The following SENP5 variants were observed in gnomAD, a reference collection of about 807,000 sequenced individuals.
SENP5 encodes sentrin-specific protease 5.
Under a neutral mutation model 74.2 loss-of-function variants are expected in SENP5, and 21 were observed. That is an observed-to-expected ratio of 0.28 (90% CI 0.20 to 0.41). SENP5 has a LOEUF of 0.41. SENP5 is among the 10% of genes least tolerant of loss of function. The pLI, the probability that SENP5 is intolerant of heterozygous loss-of-function variation, is 1.00. For missense variants in SENP5, 717 were observed against 889.1 expected (o/e 0.81, Z 2.46); for synonymous variants, 311 against 312.7 (o/e 0.99, Z 0.06).
At chr3:196,876,517 CAAAA>C (rs11294142) in intron 1 of SENP5, among the ~76,000 whole-genome samples, 8 of 95,400 alleles carry the variant, frequency 8.4e-5, no homozygotes, top group South Asian at 3.3e-4. Flanking sequence ...GATTCTGTCT[CAAAA>C]AAAAAAAAAA....
chr3:196,918,092 G>A lies in SENP5; in HGVS notation c.1885-5322G>A, dbSNP rs532073391. Among the ~76,000 whole-genome samples the A allele has an allele frequency of 8.7e-4, 132 of 151,360 alleles. 1 individual carries two copies. The highest frequency in any genetic ancestry group is 1.3e-3 in the Non-Finnish European group (88 of 67,950). On this transcript the variant is annotated intron_variant, in intron 6 of 9. Transcript: ENST00000323460. ...TGGGAGGCTGAGGCAGGTGGATCAC[G>A]AGGTCAGATCGAGACCATCCTGGCT...
rs1285420226 is a variant in SENP5, at chr3:196,900,375, T to C, written c.1769T>C (p.Met590Thr). The C allele has an allele frequency of 6.2e-7, 1 of 1,609,794 alleles. No homozygotes were observed. The highest frequency in any genetic ancestry group is 2.2e-5 in the East Asian group (1 of 44,790). The change falls in exon 5 of 10, where the codon ATG (methionine) becomes ACG (threonine). Residue 590 changes from methionine (M) to threonine (T), a missense_variant. Around this residue, in one of 4 missense-constraint regions of SENP5, gnomAD observed 1 missense variants for 22.1 expected, o/e 0.05. Coordinates refer to ENST00000323460, the MANE Select transcript of SENP5 (RefSeq NM_152699.5). ...QNWLNDQVIN[M>T]YGELIMDAVP... is the part of the protein sequence containing the mutation. ...GTTGACTTTTTATAGGTCATTAATATGTATGGTGAGCTGATAATGGATGCA... is the reference window on the plus strand; with the variant it reads ...GTTGACTTTTTATAGGTCATTAATACGTATGGTGAGCTGATAATGGATGCA...
At chr3:196,871,709 G>A (rs1263999981) in intron 1 of SENP5, among the ~76,000 whole-genome samples, 1 of 151,894 alleles carries the variant, frequency 6.6e-6, no homozygotes, top group African/African-American at 2.4e-5. Context: ...ACAAAAATTA[G>A]CTGGGCATGG....
intron 1 of SENP5, among the ~76,000 whole-genome samples, chr3:196,869,558 C>G (rs1003935522): frequency 6.6e-6 from 1 of 151,332 alleles, no homozygotes; most frequent in African/African-American, 2.4e-5. Flanking sequence ...GTCGGGAGTT[C>G]GAGATCAGCC....
intron 7 of SENP5, among the ~76,000 whole-genome samples, 169 bp downstream of exon 7, chr3:196,923,720 G>A (rs1715710828): frequency 6.6e-6 from 1 of 152,178 alleles, no homozygotes; most frequent in Non-Finnish European, 1.5e-5. Flanking sequence ...TCTGGCTGAG[G>A]AGAGGATCTG....
At chr3:196,909,983 T>C (rs1003773947) in intron 6 of SENP5, among the ~76,000 whole-genome samples, 2 of 152,158 alleles carry the variant, frequency 1.3e-5, no homozygotes, top group African/African-American at 4.8e-5. Context: ...GATGGCATGA[T>C]TCTATATTTA....
intron 6 of SENP5, among the ~76,000 whole-genome samples, chr3:196,911,871 C>A (rs1220914951): frequency 6.6e-6 from 1 of 152,050 alleles, no homozygotes. Flanking sequence ...ATCAAAACCA[C>A]AATGAGATAC....
chr3:196,874,947 A>AAAT (rs1424416348), intron 1 of SENP5, among the ~76,000 whole-genome samples: 2 of 152,032 alleles, frequency 1.3e-5, no homozygotes, highest in Non-Finnish European at 2.9e-5. Flanking sequence ...CCTTTTACAA[A>AAAT]TTCTTTCTAG....
intron 6 of SENP5, among the ~76,000 whole-genome samples, chr3:196,906,195 G>T (rs1184001316): frequency 2.0e-5 from 3 of 151,960 alleles, no homozygotes; most frequent in African/African-American, 7.3e-5. Context: ...ACTCCAGCCT[G>T]GGTGACAGAG....
intron 1 of SENP5, among the ~76,000 whole-genome samples, chr3:196,876,861 A>G (rs1713499331): frequency 6.6e-6 from 1 of 152,156 alleles, no homozygotes; most frequent in East Asian, 1.9e-4. Flanking sequence ...TGACAGAGTG[A>G]GACACTCTCA....
At position 196,887,071 on chromosome 3, in the gene SENP5, G is replaced by GT. The variant is rs374969660; in HGVS notation, c.1513+378dup. 5.3e-5 allele frequency among the ~76,000 whole-genome samples: 8 copies of GT among 152,292 alleles called. No individual in the cohort carries two copies. In the East Asian group the frequency reaches 1.3e-3, roughly 26 times the overall value. On this transcript the variant is annotated intron_variant, in intron 2 of 9. Coordinates refer to ENST00000323460, the MANE Select transcript of SENP5 (RefSeq NM_152699.5). Reference sequence around the variant, plus strand: ...AGTTTACATTTGTTAAGCTTTGGCAGTCTTACAGATCACAGAGTTTTGTTT... The same window carrying GT: ...AGTTTACATTTGTTAAGCTTTGGCAGTTCTTACAGATCACAGAGTTTTGTTT...
chr3:196,914,586 A>AAAAAAAAAAAAATAT, intron 6 of SENP5: 4 of 33,494 alleles, frequency 1.2e-4, no homozygotes, highest in African/African-American at 7.2e-4. Flanking sequence ...AAAAAAAAAA[A>AAAAAAAAAAAAATAT]ATATATATAT....
chr3:196,901,683 G>A (rs1186701367), intron 5 of SENP5, among the ~76,000 whole-genome samples: 3 of 152,076 alleles, frequency 2.0e-5, no homozygotes, highest in Admixed American at 1.3e-4. Context: ...TTATAAATCT[G>A]TTATACATTT....
At chr3:196,884,012 T>C (rs1159468430) in intron 1 of SENP5, among the ~76,000 whole-genome samples, 5 of 152,134 alleles carry the variant, frequency 3.3e-5, no homozygotes, top group African/African-American at 1.2e-4. Flanking sequence ...ATGTGTAAAA[T>C]GAAGGACGGG....
At chr3:196,900,262 A>G (rs540775095) in intron 4 of SENP5, 103 bp from the exon 5 acceptor site, 2 of 1,181,632 alleles carry the variant, frequency 1.7e-6, no homozygotes, top group African/African-American at 3.1e-5. Context: ...GATGTACTGA[A>G]TTGTATAGGG....
intron 6 of SENP5, among the ~76,000 whole-genome samples, chr3:196,918,788 T>C (rs950535330): frequency 6.6e-6 from 1 of 151,988 alleles, no homozygotes; most frequent in Non-Finnish European, 1.5e-5. Context: ...TATAAAGATA[T>C]ACACAGACTG....
intron 5 of SENP5, among the ~76,000 whole-genome samples, chr3:196,902,638 A>G (rs187161958): frequency 6.7e-4 from 102 of 152,344 alleles, no homozygotes; most frequent in Middle Eastern, 3.4e-3. Flanking sequence ...TCTGAGAACC[A>G]CAGTGCTAAG....
In SENP5 at chr3:196,934,522, C is replaced by G. The variant is rs879387440; in HGVS notation, c.*3599C>G. ...CTGGCCTCTAGATAATTAAGACGGCCCAGGGAATACCAGCAGAGAAGTGCT... is the reference window on the plus strand; with the variant it reads ...CTGGCCTCTAGATAATTAAGACGGCGCAGGGAATACCAGCAGAGAAGTGCT... On this transcript the variant is annotated 3_prime_UTR_variant, in exon 10 of 10. Coordinates refer to ENST00000323460, the MANE Select transcript of SENP5 (RefSeq NM_152699.5). 1 of 152,062 alleles carries G rather than the reference C, an allele frequency of 6.6e-6. No individual in the cohort carries two copies. Among genetic ancestry groups the G allele is most frequent in the Non-Finnish European group, 1.5e-5 (1 of 68,032 alleles). 9.4% of individuals were successfully genotyped at this position (152,062 alleles called of 1,614,324 possible). A position where few individuals can be genotyped will look rare whatever the true frequency, so the allele number is the denominator to read the frequency against.
At chr3:196,909,967 C>T (rs2108847226) in intron 6 of SENP5, among the ~76,000 whole-genome samples, 1 of 152,190 alleles carries the variant, frequency 6.6e-6, no homozygotes, top group East Asian at 1.9e-4. Context: ...CAAATTGTCT[C>T]TTGCAGATGG....
Sources: gnomAD v4.1 joint callset for allele counts (sites outside exome capture counted in the v4.1 genomes callset) on GRCh38, gnomAD v4.1.1 for gene constraint, gnomAD v4.1.1 regional missense constraint, MANE v1.5 for transcripts, NCBI Gene and HGNC (gene_info 2026-07-23, HGNC 2026-07-21) for gene names.